Variants in SNTG1 observed in about 807,000 individuals in gnomAD.
SNTG1 encodes syntrophin gamma 1, also known as gamma-1-syntrophin.
In SNTG1, 39 loss-of-function variants were observed where a neutral mutation model predicts 74.7. The observed-to-expected ratio is 0.52, with a 90% CI of 0.40 to 0.68. The LOEUF is 0.68. SNTG1 is among the 30% of genes least tolerant of loss of function. The pLI is 0.00. For missense variants in SNTG1, 685 were observed against 609.5 expected (o/e 1.12, Z -1.30); for synonymous variants, 254 against 217.1 (o/e 1.17, Z -1.49).
chr8:50,776,207 T>A (rs902154472), intron 18 of SNTG1, among the ~76,000 whole-genome samples: 5 of 150,870 alleles, frequency 3.3e-5, no homozygotes, highest in African/African-American at 1.2e-4. Context: ...TTTGAATATA[T>A]GCTTTTAGAA....
intron 4 of SNTG1, among the ~76,000 whole-genome samples, chr8:50,436,532 A>C (rs2093305100): frequency 1.3e-5 from 2 of 152,156 alleles, no homozygotes; most frequent in South Asian, 2.1e-4. Context: ...TCTCAAGACA[A>C]AGCTTTTAAT....
intron 12 of SNTG1, among the ~76,000 whole-genome samples, chr8:50,587,518 T>A (rs2094658358): frequency 6.6e-6 from 1 of 152,098 alleles, no homozygotes; most frequent in African/African-American, 2.4e-5. Context: ...TTTAAAAATG[T>A]TAGACTGTTA....
At chr8:50,588,817 G>T (rs530550942) in intron 12 of SNTG1, among the ~76,000 whole-genome samples, 155 of 152,104 alleles carry the variant, frequency 1.0e-3, no homozygotes, top group Middle Eastern at 3.4e-3. Context: ...TTCAATAATT[G>T]ACTTAATGTC....
At chr8:50,383,998 G>A (rs1275528318) in intron 2 of SNTG1, among the ~76,000 whole-genome samples, 1 of 152,168 alleles carries the variant, frequency 6.6e-6, no homozygotes, top group East Asian at 1.9e-4. Context: ...CTCTAAACCA[G>A]AAGAGAATAA....
intron 12 of SNTG1, among the ~76,000 whole-genome samples, chr8:50,561,231 GA>G (rs751887265): frequency 5.3e-5 from 8 of 152,098 alleles, no homozygotes; most frequent in Non-Finnish European, 1.0e-4. Context: ...GCCTTGTGAA[GA>G]AGGTGCTTGC....
chr8:50,522,674 G>A (rs1019434636), intron 9 of SNTG1, among the ~76,000 whole-genome samples: 4 of 151,248 alleles, frequency 2.6e-5, no homozygotes, highest in Admixed American at 1.3e-4. Flanking sequence ...TGCCACTGAG[G>A]TTCAAGCAAT....
intron 2 of SNTG1, among the ~76,000 whole-genome samples, chr8:50,289,181 G>T (rs1259035897): frequency 3.3e-5 from 5 of 152,108 alleles, no homozygotes; most frequent in African/African-American, 9.7e-5. Flanking sequence ...ATCCTTGGTT[G>T]TATGCGGTAT....
chr8:49,928,060 C>T (rs1245056177), intron 1 of SNTG1, among the ~76,000 whole-genome samples: 8 of 147,714 alleles, frequency 5.4e-5, no homozygotes, highest in East Asian at 2.1e-4. Flanking sequence ...ATCCGGGAGG[C>T]GGAGGTTGTA....
intron 1 of SNTG1, among the ~76,000 whole-genome samples, chr8:50,030,537 A>T (rs1268379597): frequency 3.3e-5 from 5 of 152,036 alleles, no homozygotes; most frequent in Admixed American, 6.5e-5. Context: ...TATAAGGTTT[A>T]ATTATAAATT....
intron 1 of SNTG1, among the ~76,000 whole-genome samples, chr8:50,099,945 T>G (rs1427455616): frequency 2.6e-5 from 4 of 152,114 alleles, no homozygotes; most frequent in African/African-American, 7.2e-5. Context: ...CTTTTCACTG[T>G]GTTGTTGATT....
chr8:50,524,787 G>A (rs1187589468), intron 9 of SNTG1, among the ~76,000 whole-genome samples: 7 of 152,124 alleles, frequency 4.6e-5, no homozygotes, highest in Non-Finnish European at 1.0e-4. Flanking sequence ...ACCATTTTAT[G>A]TAAGGGACTA....
At chr8:50,717,076 G>A (rs1234161032) in intron 17 of SNTG1, among the ~76,000 whole-genome samples, 3 of 152,078 alleles carry the variant, frequency 2.0e-5, no homozygotes, top group African/African-American at 4.8e-5. Flanking sequence ...ATAGAGCATT[G>A]TGAAAATTAA....
intron 1 of SNTG1, among the ~76,000 whole-genome samples, chr8:49,952,879 C>A (rs937171134): frequency 1.3e-5 from 2 of 152,266 alleles, no homozygotes; most frequent in East Asian, 1.9e-4. Context: ...GAGTAGGATA[C>A]AAATTACTGA....
intron 2 of SNTG1, among the ~76,000 whole-genome samples, chr8:50,349,713 GCATGC>G (rs1311456649): frequency 6.6e-6 from 1 of 152,170 alleles, no homozygotes; most frequent in Non-Finnish European, 1.5e-5. Flanking sequence ...CTTTCATAAG[GCATGC>G]CATGTTCCCT....
At chr8:50,035,307 A>G (rs1818060748) in intron 1 of SNTG1, among the ~76,000 whole-genome samples, 1 of 152,046 alleles carries the variant, frequency 6.6e-6, no homozygotes, top group African/African-American at 2.4e-5. Context: ...TTTTACTCAC[A>G]CATCTCACCT....
intron 8 of SNTG1, among the ~76,000 whole-genome samples, chr8:50,461,159 GT>G (rs2093557880): frequency 1.6e-4 from 1 of 6,292 alleles, no homozygotes; most frequent in Non-Finnish European, 7.1e-4. Flanking sequence ...TTTTTCTGGT[GT>G]GTGTGTGTGT....
intron 2 of SNTG1, among the ~76,000 whole-genome samples, chr8:50,220,429 A>G (rs2085006066): frequency 6.6e-6 from 1 of 152,172 alleles, no homozygotes; most frequent in African/African-American, 2.4e-5. Flanking sequence ...GTACAAAACT[A>G]TGCAGCTTTG....
intron 15 of SNTG1, among the ~76,000 whole-genome samples, chr8:50,682,915 A>G (rs1339196094): frequency 6.6e-6 from 1 of 152,176 alleles, no homozygotes; most frequent in East Asian, 1.9e-4. Context: ...GCCTATTTTC[A>G]AATGTCACCT....
intron 16 of SNTG1, among the ~76,000 whole-genome samples, chr8:50,706,278 A>C (rs542111770): frequency 6.6e-6 from 1 of 152,312 alleles, no homozygotes; most frequent in South Asian, 2.1e-4. Context: ...ATATTATATC[A>C]AAAATGGAAA....
Sources: allele counts gnomAD v4.1 joint callset (sites outside exome capture counted in the v4.1 genomes callset), GRCh38; gene constraint gnomAD v4.1.1; transcripts MANE v1.5; gene names NCBI Gene and HGNC (gene_info 2026-07-23, HGNC 2026-07-21).